KIZ: variants seen among roughly 807,000 people sequenced by gnomAD.
KIZ encodes the protein kizuna centrosomal protein.
Under a neutral mutation model 79.6 loss-of-function variants are expected in KIZ, and 68 were observed. That is an observed-to-expected ratio of 0.85 (90% CI 0.70 to 1.05). KIZ has a LOEUF of 1.05. KIZ is among the 50% of genes least tolerant of loss of function. The pLI, the probability that KIZ is intolerant of heterozygous loss-of-function variation, is 0.00. For missense variants in KIZ, 797 were observed against 800.4 expected (o/e 1.00, Z 0.05); for synonymous variants, 280 against 281.8 (o/e 0.99, Z 0.06).
At chr20:21,237,022 C>T (rs1015197737) in intron 11 of KIZ, among the ~76,000 whole-genome samples, 1 of 150,584 alleles carries the variant, frequency 6.6e-6, no homozygotes, top group Non-Finnish European at 1.5e-5. Flanking sequence ...AAAATGATGG[C>T]TGGGTGCGGT....
At chr20:21,178,008 C>T (rs747561911) in intron 6 of KIZ, among the ~76,000 whole-genome samples, 8 of 151,922 alleles carry the variant, frequency 5.3e-5, no homozygotes, top group Non-Finnish European at 7.4e-5. Context: ...GAAATCAGGA[C>T]GTGTGATGCC....
At chr20:21,142,893 C>T (rs1296786414) in intron 3 of KIZ, among the ~76,000 whole-genome samples, 1 of 152,138 alleles carries the variant, frequency 6.6e-6, no homozygotes, top group Non-Finnish European at 1.5e-5. Flanking sequence ...TATTTGAGAA[C>T]AAGTCTTTTG....
chr20:21,182,814 A>AAT (rs972267356), intron 6 of KIZ, among the ~76,000 whole-genome samples: 1 of 151,806 alleles, frequency 6.6e-6, no homozygotes, highest in African/African-American at 2.4e-5. Flanking sequence ...AAAAAAAAAA[A>AAT]AAAAAGACCA....
chr20:21,238,285 T>G (rs919102334), intron 11 of KIZ, among the ~76,000 whole-genome samples: 6 of 151,800 alleles, frequency 4.0e-5, no homozygotes, highest in African/African-American at 1.5e-4. Flanking sequence ...CATCATGTAC[T>G]TGAGCTGCAG....
chr20:21,196,867 T>A (rs1483716592), intron 6 of KIZ: 40 of 152,194 alleles, frequency 2.6e-4, no homozygotes, highest in Admixed American at 2.6e-3. Flanking sequence ...AGTCTGCAGT[T>A]GTCACTCACC....
chr20:21,204,845 CAA>C (rs1286640147), intron 6 of KIZ, among the ~76,000 whole-genome samples: 1 of 152,126 alleles, frequency 6.6e-6, no homozygotes, highest in Non-Finnish European at 1.5e-5. Context: ...AAGAGTGTAA[CAA>C]AACAACAACA....
intron 9 of KIZ, among the ~76,000 whole-genome samples, chr20:21,227,010 G>T (rs1162921217): frequency 6.6e-6 from 1 of 152,156 alleles, no homozygotes; most frequent in East Asian, 1.9e-4. Flanking sequence ...AAGGGAGGGG[G>T]ACCAGAATGG....
At chr20:21,128,758 C>G (rs2031649007) in intron 1 of KIZ, among the ~76,000 whole-genome samples, 1 of 152,132 alleles carries the variant, frequency 6.6e-6, no homozygotes, top group Admixed American at 6.5e-5. Context: ...CAAAAACATC[C>G]TTTTAAAAGG....
chr20:21,146,509 T>C lies in KIZ; in HGVS notation c.405+855T>C, dbSNP rs140042866. On this transcript the variant is annotated intron_variant, in intron 4 of 12. Transcript: ENST00000619189. ...GAAGAGTGTGTGTGCTACAGATTGATAGAAGAATCAACTGCTACTTTACTA... is the reference window on the plus strand; with the variant it reads ...GAAGAGTGTGTGTGCTACAGATTGACAGAAGAATCAACTGCTACTTTACTA... Among the ~76,000 whole-genome samples, 893 of 152,334 alleles carry C rather than the reference T, an allele frequency of 5.9e-3. 4 individuals are homozygous for C. The highest frequency in any genetic ancestry group is 0.011 in the South Asian group (51 of 4,830).
At chr20:21,170,965 T>A (rs769634685) in intron 6 of KIZ, among the ~76,000 whole-genome samples, 6 of 152,244 alleles carry the variant, frequency 3.9e-5, no homozygotes, top group Non-Finnish European at 8.8e-5. Context: ...CATTCTTTTC[T>A]ATGGCTAAAT....
intron 7 of KIZ, among the ~76,000 whole-genome samples, chr20:21,210,047 A>C (rs991667564): frequency 2.6e-5 from 4 of 152,090 alleles, no homozygotes; most frequent in Non-Finnish European, 5.9e-5. Flanking sequence ...GTTTTTTTAA[A>C]TATTTAATAT....
Position 21,140,439 on chromosome 20 carries a change from C to T in KIZ, c.315+3887C>T, listed in dbSNP as rs187740777. On this transcript the variant is annotated intron_variant, in intron 3 of 12. Transcript: ENST00000619189. ...GCCCAAACTGATACCAAGTGACTTT[C>T]TCCCACTTTGTAGAGGTGGGCTGGG... 2.6e-5 allele frequency among the ~76,000 whole-genome samples: 4 copies of T among 152,324 alleles called. No homozygotes were observed. In the East Asian group the frequency reaches 7.7e-4, roughly 29 times the overall value.
intron 6 of KIZ, among the ~76,000 whole-genome samples, chr20:21,170,927 A>C (rs113116653): frequency 6.6e-6 from 1 of 152,162 alleles, no homozygotes; most frequent in Admixed American, 6.5e-5. Context: ...CTCCAGTTCC[A>C]TCTATGTTGT....
At chr20:21,164,933 A>G (rs2033859982) in intron 6 of KIZ, among the ~76,000 whole-genome samples, 1 of 152,126 alleles carries the variant, frequency 6.6e-6, no homozygotes, top group Non-Finnish European at 1.5e-5. Context: ...AATATTCTCC[A>G]GGAATAGGTT....
chr20:21,209,694 A>G (rs1360193418), intron 7 of KIZ, among the ~76,000 whole-genome samples: 1 of 152,294 alleles, frequency 6.6e-6, no homozygotes, highest in Non-Finnish European at 1.5e-5. Context: ...GTCCAAGAGG[A>G]ATACTCTTGA....
chr20:21,215,735 C>A, intron 9 of KIZ, 87 bp downstream of exon 9: 1 of 796,486 alleles, frequency 1.3e-6, no homozygotes, highest in Non-Finnish European at 2.1e-6. Context: ...GTTTGTGGAC[C>A]CCACTAAGAG....
At position 21,163,200 on chromosome 20, in the gene KIZ, A is replaced by G. The variant is rs115529566; in HGVS notation, c.1352+41A>G. On this transcript the variant is annotated intron_variant, in intron 6 of 12. Transcript: ENST00000619189. ...TTTTTTTTCTACTGTTCTGTTTTTAATTGTAGACATTTCTAGAGACCATTC... is the reference window on the plus strand; with the variant it reads ...TTTTTTTTCTACTGTTCTGTTTTTAGTTGTAGACATTTCTAGAGACCATTC... 2,325 of 1,342,824 alleles carry G rather than the reference A, an allele frequency of 1.7e-3. 35 individuals are homozygous for G. In the African/African-American group the frequency reaches 0.03, roughly 17 times the overall value. The allele number at this position is 1,342,824 out of a possible 1,614,324, so 83.2% of individuals were successfully genotyped here. A position where few individuals can be genotyped will look rare whatever the true frequency, so the allele number is the denominator to read the frequency against.
intron 6 of KIZ, among the ~76,000 whole-genome samples, chr20:21,186,462 A>G (rs1230693091): frequency 1.3e-5 from 2 of 151,752 alleles, no homozygotes; most frequent in Non-Finnish European, 2.9e-5. Context: ...CTTGTCTGAC[A>G]TCCCCTAAAC....
chr20:21,191,144 C>T (rs962640545), intron 6 of KIZ, among the ~76,000 whole-genome samples: 4 of 152,140 alleles, frequency 2.6e-5, no homozygotes, highest in Non-Finnish European at 5.9e-5. Context: ...CCATTTTTCC[C>T]TCATAAAGCA....
Sources: gnomAD v4.1 joint callset for allele counts (sites outside exome capture counted in the v4.1 genomes callset) on GRCh38, gnomAD v4.1.1 for gene constraint, MANE v1.5 for transcripts, NCBI Gene and HGNC (gene_info 2026-07-23, HGNC 2026-07-21) for gene names.